The following SLC8A1 variants were observed in gnomAD, a reference collection of about 807,000 sequenced individuals.
The protein encoded by SLC8A1 is sodium/calcium exchanger 1.
SLC8A1 carries 18 observed loss-of-function variants against 68.3 expected under a neutral mutation model. That is an observed-to-expected ratio of 0.26 (90% CI 0.18 to 0.39). The LOEUF (loss-of-function observed/expected upper bound fraction) is 0.39, where lower values mean the gene tolerates loss of function less well. Among genes scored for constraint, SLC8A1 ranks in the 10% least tolerant of loss-of-function variants. SLC8A1 has a pLI of 1.00. For missense variants in SLC8A1, 985 were observed against 1,156.7 expected (o/e 0.85, Z 2.15); for synonymous variants, 475 against 415.5 (o/e 1.14, Z -1.74).
At chr2:40,422,319 G>C (rs1280516107) in intron 2 of SLC8A1, among the ~76,000 whole-genome samples, 1 of 152,132 alleles carries the variant, frequency 6.6e-6, no homozygotes, top group East Asian at 1.9e-4. Context: ...ATATGATGAA[G>C]ATATTTTATA....
chr2:40,224,058 A>G (rs911986280), intron 2 of SLC8A1, among the ~76,000 whole-genome samples: 53 of 152,126 alleles, frequency 3.5e-4, no homozygotes, highest in African/African-American at 1.3e-3. Flanking sequence ...ATCCACCACA[A>G]CTGTATTAAA....
intron 2 of SLC8A1, among the ~76,000 whole-genome samples, chr2:40,348,062 G>C (rs755445451): frequency 7.9e-5 from 12 of 152,182 alleles, no homozygotes; most frequent in Non-Finnish European, 1.6e-4. Context: ...TAATTTGGGA[G>C]TCATAGAGAA....
intron 2 of SLC8A1, among the ~76,000 whole-genome samples, chr2:40,420,050 G>C (rs1190907008): frequency 2.0e-5 from 3 of 152,174 alleles, no homozygotes; most frequent in African/African-American, 7.2e-5. Flanking sequence ...TGTGATTTTA[G>C]GTAGAATTTT....
chr2:40,256,177 C>A (rs371333753), intron 2 of SLC8A1, among the ~76,000 whole-genome samples: 4 of 152,288 alleles, frequency 2.6e-5, no homozygotes, highest in African/African-American at 7.2e-5. Flanking sequence ...CTAAAATGAA[C>A]ATCCGGTGAT....
chr2:40,308,829 T>C (rs1441124928), intron 2 of SLC8A1, among the ~76,000 whole-genome samples: 1 of 152,152 alleles, frequency 6.6e-6, no homozygotes, highest in Admixed American at 6.5e-5. Context: ...CCCATCTCTT[T>C]GTAGAAGCAT....
At chr2:40,232,394 ATTT>A (rs66713157) in intron 2 of SLC8A1, among the ~76,000 whole-genome samples, 2 of 146,636 alleles carry the variant, frequency 1.4e-5, no homozygotes, top group Admixed American at 6.8e-5. Flanking sequence ...GGTGCAAGTT[ATTT>A]TTTTTTTGTC....
Position 40,218,193 on chromosome 2 carries a change from A to C in SLC8A1, c.1809-40338T>G, listed in dbSNP as rs550892416. Among the ~76,000 whole-genome samples, 3 of 152,300 alleles carry C rather than the reference A, an allele frequency of 2.0e-5. No homozygotes were observed. The South Asian group carries it at 6.2e-4, about 32-fold the overall frequency. On this transcript the variant is annotated intron_variant, in intron 2 of 7. Coordinates refer to ENST00000406785, the Ensembl canonical transcript of SLC8A1. ...TCTAAGTTACACTTTATCAGTATTTATTCTTCCTGCTACCTATTAAGGGCA... is the reference window on the plus strand; with the variant it reads ...TCTAAGTTACACTTTATCAGTATTTCTTCTTCCTGCTACCTATTAAGGGCA...
chr2:40,289,676 C>A (rs572003428), intron 2 of SLC8A1, among the ~76,000 whole-genome samples: 2 of 151,906 alleles, frequency 1.3e-5, no homozygotes, highest in Non-Finnish European at 2.9e-5. Context: ...CATGGTGAAA[C>A]CCTGTCTCTA....
At chr2:40,222,536 T>G (rs897640524) in intron 2 of SLC8A1, among the ~76,000 whole-genome samples, 7 of 152,142 alleles carry the variant, frequency 4.6e-5, no homozygotes, top group African/African-American at 1.4e-4. Context: ...GGGATCTGAT[T>G]AAACTGAAAA....
chr2:40,440,290 A>T (rs578225467), intron 1 of SLC8A1, among the ~76,000 whole-genome samples: 1 of 152,310 alleles, frequency 6.6e-6, no homozygotes, highest in South Asian at 2.1e-4. Flanking sequence ...ATTATAATAG[A>T]TGTGAATTTA....
chr2:40,223,421 C>T (rs116555497), intron 2 of SLC8A1, among the ~76,000 whole-genome samples: 2,520 of 152,046 alleles, frequency 0.017, 79 homozygotes, highest in African/African-American at 0.057. Context: ...ATGCAGATGA[C>T]GGGTTGATGG....
At chr2:40,139,868 C>G (rs2041229050) in intron 6 of SLC8A1, among the ~76,000 whole-genome samples, 192 bp from the exon 10 acceptor site, 1 of 152,148 alleles carries the variant, frequency 6.6e-6, no homozygotes, top group Admixed American at 6.5e-5. Context: ...TGAAATGCCT[C>G]TTACCTGTGG....
At chr2:40,221,009 C>T (rs1466159876) in intron 2 of SLC8A1, among the ~76,000 whole-genome samples, 2 of 151,700 alleles carry the variant, frequency 1.3e-5, no homozygotes, top group East Asian at 3.9e-4. Flanking sequence ...AGAGGGACTT[C>T]TCCCTAACTC....
At chr2:40,239,640 A>G (rs1413583530) in intron 2 of SLC8A1, among the ~76,000 whole-genome samples, 1 of 152,198 alleles carries the variant, frequency 6.6e-6, no homozygotes, top group Non-Finnish European at 1.5e-5. Context: ...CAACTGGTGC[A>G]TTCTACTCCA....
intron 2 of SLC8A1, among the ~76,000 whole-genome samples, chr2:40,406,105 T>A (rs1032757330): frequency 1.3e-5 from 2 of 152,228 alleles, no homozygotes; most frequent in African/African-American, 4.8e-5. Context: ...ATTCATTTGT[T>A]GTCAGTCACC....
rs141671320 is a variant in SLC8A1 at position 40,388,175 on chromosome 2, G to A, written c.1808+40298C>T. 3.5e-4 allele frequency among the ~76,000 whole-genome samples: 53 copies of A among 152,138 alleles called. No homozygotes were observed. In the East Asian group the frequency reaches 7.0e-3, roughly 20 times the overall value. ...TGCCCCTTAGAAATCATCAAAACCC[G>A]CTTTAGGGATTAGGGCAGAACATTT... On this transcript the variant is annotated intron_variant, in intron 2 of 7. Coordinates refer to ENST00000406785, the Ensembl canonical transcript of SLC8A1.
At chr2:40,101,655 C>G (rs2033899674) in exon 8 of SLC8A1, 1 of 152,086 alleles carries the variant, frequency 6.6e-6, no homozygotes, top group South Asian at 2.1e-4. Flanking sequence ...AATGCATTAT[C>G]TTTATAAAGA....
chr2:40,194,798 G>A (rs2052638435), intron 2 of SLC8A1, among the ~76,000 whole-genome samples: 1 of 152,016 alleles, frequency 6.6e-6, no homozygotes, highest in East Asian at 1.9e-4. Flanking sequence ...GGATGAGACA[G>A]ACTGGAAGAG....
intron 2 of SLC8A1, among the ~76,000 whole-genome samples, chr2:40,368,337 A>G (rs1406293207): frequency 2.0e-5 from 3 of 152,066 alleles, no homozygotes; most frequent in Non-Finnish European, 2.9e-5. Context: ...ATTTTTAAAC[A>G]AAGTTATTTC....
Sources: gnomAD v4.1 joint callset for allele counts (sites outside exome capture counted in the v4.1 genomes callset) on GRCh38, gnomAD v4.1.1 for gene constraint, MANE v1.5 for transcripts, NCBI Gene and HGNC (gene_info 2026-07-23, HGNC 2026-07-21) for gene names.